The following CD48 variants were observed in gnomAD, a reference collection of about 807,000 sequenced individuals.
CD48 encodes CD48 molecule, also known as CD48 antigen.
CD48 carries 20 observed loss-of-function variants against 22.0 expected under a neutral mutation model. The observed-to-expected ratio is 0.91, with a 90% CI of 0.64 to 1.32. The LOEUF (loss-of-function observed/expected upper bound fraction) is 1.32, where lower values mean the gene tolerates loss of function less well. CD48 is among the 40% of genes most tolerant of loss of function. The pLI is 0.00. For missense variants in CD48, 307 were observed against 286.5 expected, an observed-to-expected ratio of 1.07 and a Z score of -0.52; for synonymous variants, 110 against 110.1, an observed-to-expected ratio of 1.00 and a Z score of 0.01.
intron 1 of CD48, among the ~76,000 whole-genome samples, chr1:160,706,922 T>C (rs1265909084): frequency 6.6e-6 from 1 of 152,186 alleles, no homozygotes; most frequent in Non-Finnish European, 1.5e-5. Context: ...GTTGGCTTCT[T>C]TGGTTTCCTC....
chr1:160,697,663 A>C (rs1483870763), intron 1 of CD48, among the ~76,000 whole-genome samples: 9 of 152,200 alleles, frequency 5.9e-5, no homozygotes, highest in Admixed American at 5.9e-4. Context: ...TTAGACCTAA[A>C]GGGAAAACTT....
At chr1:160,683,654 G>T (rs1306679839) in intron 2 of CD48, 1 of 152,060 alleles carries the variant, frequency 6.6e-6, no homozygotes, top group East Asian at 1.9e-4. Context: ...AGGGGAATCT[G>T]ACTGCTTGGA....
chr1:160,684,890 G>C lies in CD48; in HGVS notation c.382C>G (p.Leu128Val). 1 of 1,614,090 alleles carries C rather than the reference G, an allele frequency of 6.2e-7. No homozygotes were observed. The highest frequency in any genetic ancestry group is 8.5e-7 in the Non-Finnish European group (1 of 1,180,026). Residue 128 changes from leucine (L) to valine (V), a missense_variant, in exon 2 of 4, where the codon CTT becomes GTT. Physicochemically the swap from Leu to Val is conservative, Grantham distance 32 (BLOSUM62 1). Coordinates refer to ENST00000368046, the MANE Select transcript of CD48 (RefSeq NM_001778.4). ...CTCTTTGGCTCCCCTGACTCACCAA[G>C]CACTTGCAGCTTGATCTTCCATTCT... ...EQEWKIKLQV[L>V]DPVPKPVIKI...
rs754649840 is a variant in CD48 at position 160,681,289 on chromosome 1, T to C, written c.565A>G (p.Asn189Asp). The stretch of plus-strand genomic sequence containing the variant: ...TGGCAAGTATAACACCTGGAGTAAT[T>C]ATGTGGCATAAGGGTGGTTTCAAGC... ...SVLETTLMPH[N>D]YSRCYTCQVS... The change falls in exon 3 of 4, where the codon AAT becomes GAT. Residue 189 changes from asparagine to aspartate, a missense_variant. Physicochemically the swap from Asn to Asp is conservative, Grantham distance 23. Coordinates refer to ENST00000368046, the MANE Select transcript of CD48 (RefSeq NM_001778.4). 1.9e-6 allele frequency: 3 copies of C among 1,614,166 alleles called. No individual in the cohort carries two copies. Among genetic ancestry groups the C allele is most frequent in the South Asian group, 2.2e-5 (2 of 91,080 alleles).
rs1360685184 is a variant in CD48, at chr1:160,681,413, G to A, written c.441C>T (p.Asn147=). The part of the protein sequence containing the change: ...KIEKIEDMDD[N]CYLKLSCVIP... Reference sequence around the variant, plus strand: ...TCACACATGACAGTTTCAGATAACAGTTGTCATCCATGTCTTCTATCTTCT... The same window carrying A: ...TCACACATGACAGTTTCAGATAACAATTGTCATCCATGTCTTCTATCTTCT... The change falls in exon 3 of 4, where the codon AAC becomes AAT. Residue 147 remains asparagine, a synonymous_variant. Transcript: ENST00000368046. The A allele has an allele frequency of 6.2e-7, 1 of 1,614,042 alleles. No homozygotes were observed. The highest frequency in any genetic ancestry group is 8.5e-7 in the Non-Finnish European group (1 of 1,179,896).
intron 1 of CD48, among the ~76,000 whole-genome samples, chr1:160,706,007 C>G (rs558642818): frequency 6.6e-6 from 1 of 152,242 alleles, no homozygotes; most frequent in South Asian, 2.1e-4. Flanking sequence ...CTCAGACTTA[C>G]ACTCAGGAAG....
chr1:160,694,395 T>A (rs560688265), intron 1 of CD48, among the ~76,000 whole-genome samples: 1 of 151,820 alleles, frequency 6.6e-6, no homozygotes, highest in Non-Finnish European at 1.5e-5. Flanking sequence ...ATCATTGCTT[T>A]AAATCAGTGG....
At chr1:160,692,782 G>A (rs1396488664) in intron 1 of CD48, among the ~76,000 whole-genome samples, 1 of 152,212 alleles carries the variant, frequency 6.6e-6, no homozygotes, top group Non-Finnish European at 1.5e-5. Context: ...AAGAGGGAGA[G>A]CCTCTCACAG....
At chr1:160,695,368 C>A (rs1200338195) in intron 1 of CD48, among the ~76,000 whole-genome samples, 1 of 152,222 alleles carries the variant, frequency 6.6e-6, no homozygotes, top group African/African-American at 2.4e-5. Flanking sequence ...TACATTTCTG[C>A]AAGCAGAGGT....
chr1:160,681,457 T>TG lies in CD48; in HGVS notation c.396dup (p.Lys133GlnfsTer7). 1 of 1,613,972 alleles carries TG rather than the reference T, an allele frequency of 6.2e-7. No homozygotes were observed. The highest frequency in any genetic ancestry group is 1.1e-5 in the South Asian group (1 of 91,044). ...ATCTTCTCAATTTTGATGACAGGCTTGGGTACAGGGTCTGAAAGTGAGGAG... is the reference window on the plus strand; with the variant it reads ...ATCTTCTCAATTTTGATGACAGGCTTGGGGTACAGGGTCTGAAAGTGAGGAG... On this transcript the variant is annotated frameshift_variant, in exon 3 of 4. Transcript: ENST00000368046. LOFTEE classifies it high-confidence loss of function.
intron 1 of CD48, among the ~76,000 whole-genome samples, chr1:160,686,375 T>C (rs558392864): frequency 6.6e-5 from 10 of 152,298 alleles, no homozygotes; most frequent in Admixed American, 4.6e-4. Context: ...CACAGTGTGC[T>C]ATGGGAATAT....
intron 1 of CD48, among the ~76,000 whole-genome samples, chr1:160,702,500 G>A (rs1182788952): frequency 6.6e-6 from 1 of 152,078 alleles, no homozygotes; most frequent in Non-Finnish European, 1.5e-5. Flanking sequence ...TGTGGTAGGG[G>A]GTTTCCATCT....
Position 160,678,797 on chromosome 1 carries a change from A to T in CD48, c.*255T>A, listed in dbSNP as rs1661699855. ...TGTTTATTTTAAAAAATAATAAAAC[A>T]TTCACATAATGTTGTCACAATTTTG... On this transcript the variant is annotated 3_prime_UTR_variant, in exon 4 of 4. Transcript: ENST00000368046. 8.6e-6 allele frequency: 3 copies of T among 347,640 alleles called. No individual in the cohort carries two copies. The Admixed American group carries it at 1.3e-4, about 16-fold the overall frequency. 21.5% of individuals were successfully genotyped at this position (347,640 alleles called of 1,614,324 possible). A position where few individuals can be genotyped will look rare whatever the true frequency, so the allele number is the denominator to read the frequency against.
rs368565924 is a variant in CD48, at chr1:160,693,476, A to C, written c.83-8287T>G. ...AGCTATGCTTATGGCCCAAGCAATA[A>C]CAGGAGTTGTTTTAGGAGGACAAGT... On this transcript the variant is annotated intron_variant, in intron 1 of 3. Transcript: ENST00000368046. Among the ~76,000 whole-genome samples the C allele has an allele frequency of 1.6e-4, 17 of 107,626 alleles. No homozygotes were observed. The South Asian group carries it at 2.2e-3, about 14-fold the overall frequency. The allele number at this position is 107,626 out of a possible 152,430, so 70.6% of individuals were successfully genotyped here.
At position 160,681,215 on chromosome 1, in the gene CD48, T is replaced by C. The variant is rs771373257; in HGVS notation, c.639A>G (p.Pro213=). 24 of 1,614,110 alleles carry C rather than the reference T, an allele frequency of 1.5e-5. No individual in the cohort carries two copies. The Middle Eastern group carries it at 6.6e-4, about 44-fold the overall frequency. The change falls in exon 3 of 4, where the codon CCA becomes CCG. Residue 213 remains proline (P), a synonymous_variant. Transcript: ENST00000368046. ...GATCCTTCTTACCCAGGGTACAGGG[T>C]GGACTGAGGCAGACCGTGCCATTCT... The part of the protein sequence containing the change: ...SSKNGTVCLS[P]PCTLARSFGV...
At chr1:160,685,257 G>C in intron 1 of CD48, 68 bp from the exon 2 acceptor site, 14 of 1,194,574 alleles carry the variant, frequency 1.2e-5, no homozygotes, top group Non-Finnish European at 1.5e-5. Context: ...CCAGGGTATA[G>C]CCTGGGCTGG....
chr1:160,695,352 CTG>C (rs1409721091), intron 1 of CD48, among the ~76,000 whole-genome samples: 2 of 152,264 alleles, frequency 1.3e-5, no homozygotes, highest in Non-Finnish European at 2.9e-5. Flanking sequence ...AATTAATTGA[CTG>C]TTATACATTT....
chr1:160,679,059 A>G lies in CD48; in HGVS notation c.725T>C (p.Leu242Pro), dbSNP rs1661707647. 1.2e-6 allele frequency: 2 copies of G among 1,613,632 alleles called. No homozygotes were observed. The highest frequency in any genetic ancestry group is 1.7e-6 in the Non-Finnish European group (2 of 1,179,494). ...VTVPTILGLLLT is the reference protein window; with the variant it reads ...VTVPTILGLLPT ...GAGTTAAAAGAGCTCATCTCAGGTA[A>G]GTAACAGGCCAAGAATGGTGGGCAC... The change falls in exon 4 of 4, where the codon CTT (leucine) becomes CCT (proline). Residue 242 changes from leucine to proline, a missense_variant. Physicochemically the swap from Leu to Pro is moderately conservative, Grantham distance 98. Transcript: ENST00000368046.
At chr1:160,686,094 A>C (rs1211593287) in intron 1 of CD48, among the ~76,000 whole-genome samples, 1 of 152,084 alleles carries the variant, frequency 6.6e-6, no homozygotes, top group African/African-American at 2.4e-5. Context: ...TAGGTCAGAT[A>C]ATTTCTTTAT....
Sources: allele counts gnomAD v4.1 joint callset (sites outside exome capture counted in the v4.1 genomes callset), GRCh38; gene constraint gnomAD v4.1.1; transcripts MANE v1.5; gene names NCBI Gene and HGNC (gene_info 2026-07-23, HGNC 2026-07-21).